Variants in ELMO1 observed in about 807,000 individuals in gnomAD.
ELMO1 encodes the protein engulfment and cell motility protein 1.
ELMO1 carries 26 observed loss-of-function variants against 98.9 expected under a neutral mutation model. The ratio of observed to expected loss-of-function variants is 0.26; its 90% CI spans 0.19 to 0.36. The LOEUF (loss-of-function observed/expected upper bound fraction) is 0.36, where lower values mean the gene tolerates loss of function less well. Among genes scored for constraint, ELMO1 ranks in the 10% least tolerant of loss-of-function variants. The pLI, the probability that ELMO1 is intolerant of heterozygous loss-of-function variation, is 1.00. For synonymous variants in ELMO1, 346 were observed against 346.0 expected, an observed-to-expected ratio of 1.00 and a Z score of 0.00; for missense variants, 627 against 935.2, an observed-to-expected ratio of 0.67 and a Z score of 4.30.
At chr7:37,195,526 ACAC>A (rs1791914351) in intron 13 of ELMO1, among the ~76,000 whole-genome samples, 1 of 152,210 alleles carries the variant, frequency 6.6e-6, no homozygotes, top group African/African-American at 2.4e-5. Context: ...CCCCTGTCTC[ACAC>A]CTTGGATGCC....
intron 13 of ELMO1, chr7:37,203,978 A>G: frequency 4.7e-6 from 2 of 427,406 alleles, no homozygotes; most frequent in South Asian, 3.4e-5. Context: ...AGAAAGCCTG[A>G]CACGTGTGTC....
chr7:36,862,504 A>G (rs1440378454), intron 20 of ELMO1, among the ~76,000 whole-genome samples: 3 of 152,262 alleles, frequency 2.0e-5, no homozygotes, highest in African/African-American at 7.2e-5. Flanking sequence ...CAAGGCACTC[A>G]GTGCCATGTC....
chr7:37,274,688 G>C (rs1215183560), intron 4 of ELMO1, among the ~76,000 whole-genome samples: 1 of 152,154 alleles, frequency 6.6e-6, no homozygotes, highest in East Asian at 1.9e-4. Context: ...GAGTAGCTGG[G>C]ATTACAGGAG....
In ELMO1 at chr7:37,220,015, T is replaced by C. The variant is rs111990795; in HGVS notation, c.780+2600A>G. 3.3e-5 allele frequency among the ~76,000 whole-genome samples: 5 copies of C among 152,326 alleles called. 1 individual carries two copies. Among genetic ancestry groups the C allele is most frequent in the African/African-American group, 9.6e-5 (4 of 41,580 alleles). On this transcript the variant is annotated intron_variant, in intron 10 of 21. Coordinates refer to ENST00000310758, the MANE Select transcript of ELMO1 (RefSeq NM_014800.11). ...CTGAAACTTTATTTTACTTAGAACA[T>C]AGAGCCCAGACTAAGGCATACAAGC...
chr7:37,444,679 AT>A (rs66487522), intron 1 of ELMO1, among the ~76,000 whole-genome samples: 40,761 of 151,800 alleles, frequency 0.27, 5,719 homozygotes, highest in South Asian at 0.4. Flanking sequence ...CGCCCGGCTA[AT>A]TTTTTTTGTA....
At chr7:36,894,789 C>T (rs1048575731) in intron 17 of ELMO1, 65 bp downstream of exon 17, 12 of 1,596,444 alleles carry the variant, frequency 7.5e-6, no homozygotes, top group African/African-American at 5.4e-5. Context: ...TCATGACAGG[C>T]GGTCATTCTA....
chr7:37,151,531 C>T (rs556911752), intron 13 of ELMO1, among the ~76,000 whole-genome samples: 2 of 152,216 alleles, frequency 1.3e-5, no homozygotes, highest in East Asian at 3.9e-4. Flanking sequence ...TTGGGTTGAA[C>T]CACTTAAGTG....
intron 5 of ELMO1, among the ~76,000 whole-genome samples, chr7:37,267,280 G>C (rs895656798): frequency 3.3e-5 from 5 of 152,042 alleles, no homozygotes; most frequent in African/African-American, 1.2e-4. Flanking sequence ...ATACTTTAGG[G>C]ATACCTCCTC....
chr7:37,197,421 G>A (rs531032615), intron 13 of ELMO1, among the ~76,000 whole-genome samples: 1 of 152,292 alleles, frequency 6.6e-6, no homozygotes, highest in African/African-American at 2.4e-5. Context: ...CCCGGCAGAC[G>A]TGAAACAGAC....
chr7:37,104,110 G>T lies in ELMO1; in HGVS notation c.1192-7383C>A, dbSNP rs561616787. On this transcript the variant is annotated intron_variant, in intron 14 of 21. Coordinates refer to ENST00000310758, the MANE Select transcript of ELMO1 (RefSeq NM_014800.11). ...CAGTCAAGACGTTCCTAATAATGCTGGACAACTTCCAGTTTGGAAATGACC... is the reference window on the plus strand; with the variant it reads ...CAGTCAAGACGTTCCTAATAATGCTTGACAACTTCCAGTTTGGAAATGACC... Among the ~76,000 whole-genome samples, 3 of 149,000 alleles carry T rather than the reference G, an allele frequency of 2.0e-5. No homozygotes were observed. In the South Asian group the frequency reaches 6.4e-4, roughly 32 times the overall value.
chr7:37,383,879 GA>G (rs1562655882), intron 1 of ELMO1, among the ~76,000 whole-genome samples: 1 of 152,072 alleles, frequency 6.6e-6, no homozygotes, highest in African/African-American at 2.4e-5. Flanking sequence ...GCAGTGGCGC[GA>G]TCTCGGCTCA....
intron 16 of ELMO1, among the ~76,000 whole-genome samples, chr7:36,932,618 T>C (rs1344130032): frequency 6.6e-6 from 1 of 152,208 alleles, no homozygotes; most frequent in Non-Finnish European, 1.5e-5. Flanking sequence ...TATGGAGTCT[T>C]ATGCTTCTGT....
At chr7:37,305,990 A>G (rs938523382) in intron 4 of ELMO1, among the ~76,000 whole-genome samples, 4 of 152,226 alleles carry the variant, frequency 2.6e-5, no homozygotes, top group Non-Finnish European at 2.9e-5. Flanking sequence ...GGACTGAATT[A>G]AGAGACGAAT....
intron 8 of ELMO1, among the ~76,000 whole-genome samples, chr7:37,228,769 G>A (rs535968554): frequency 3.4e-4 from 52 of 152,240 alleles, no homozygotes; most frequent in African/African-American, 1.1e-3. Flanking sequence ...TTGGGAGGCC[G>A]AGGCGGGTGG....
chr7:37,394,329 A>G (rs906982251), intron 1 of ELMO1, among the ~76,000 whole-genome samples: 1 of 152,208 alleles, frequency 6.6e-6, no homozygotes, highest in Admixed American at 6.5e-5. Flanking sequence ...ATAAGACCTC[A>G]GTCAGACTGT....
In ELMO1 at chr7:37,193,103, A is replaced by G. The variant is rs1239358556; in HGVS notation, c.1086+18283T>C. Among the ~76,000 whole-genome samples, 3 of 151,480 alleles carry G rather than the reference A, an allele frequency of 2.0e-5. No homozygotes were observed. In the East Asian group the frequency reaches 5.8e-4, roughly 29 times the overall value. ...GATGTGTGCTCAGACCCAAAAATGGAATTTTTGTGAGGGATCTGAAGAATT... is the reference window on the plus strand; with the variant it reads ...GATGTGTGCTCAGACCCAAAAATGGGATTTTTGTGAGGGATCTGAAGAATT... On this transcript the variant is annotated intron_variant, in intron 13 of 21. Coordinates refer to ENST00000310758, the MANE Select transcript of ELMO1 (RefSeq NM_014800.11).
chr7:37,412,763 C>A (rs73693574), intron 1 of ELMO1, among the ~76,000 whole-genome samples: 10,321 of 152,170 alleles, frequency 0.068, 584 homozygotes, highest in East Asian at 0.15. Flanking sequence ...AAAAAGATGC[C>A]ACATGATTGT....
intron 14 of ELMO1, among the ~76,000 whole-genome samples, chr7:37,120,816 C>A (rs1376726238): frequency 2.0e-5 from 3 of 152,186 alleles, no homozygotes; most frequent in Non-Finnish European, 4.4e-5. Flanking sequence ...TGAGAATGGA[C>A]AGACTGCCTC....
intron 15 of ELMO1, among the ~76,000 whole-genome samples, chr7:37,082,901 T>C (rs1312601088): frequency 6.6e-6 from 1 of 152,184 alleles, no homozygotes; most frequent in Non-Finnish European, 1.5e-5. Context: ...AATTCTCTTG[T>C]ACAAAATGGA....
Sources: gnomAD v4.1 joint callset for allele counts (sites outside exome capture counted in the v4.1 genomes callset) on GRCh38, gnomAD v4.1.1 for gene constraint, MANE v1.5 for transcripts, NCBI Gene and HGNC (gene_info 2026-07-23, HGNC 2026-07-21) for gene names.